ADSS1: variants seen among roughly 807,000 people sequenced by gnomAD.
ADSS1 encodes adenylosuccinate synthase 1.
Under a neutral mutation model 59.1 loss-of-function variants are expected in ADSS1, and 57 were observed. That is an observed-to-expected ratio of 0.97 (90% CI 0.78 to 1.20). The LOEUF (loss-of-function observed/expected upper bound fraction) is 1.20, where lower values mean the gene tolerates loss of function less well. Among genes scored for constraint, ADSS1 ranks in the 50% most tolerant of loss-of-function variants. The pLI is 0.00. For synonymous variants in ADSS1, 247 were observed against 249.4 expected (o/e 0.99, Z 0.09); for missense variants, 603 against 610.3 (o/e 0.99, Z 0.13).
chr14:104,731,266 A>T (rs1287911106), intron 1 of ADSS1, among the ~76,000 whole-genome samples: 3 of 152,154 alleles, frequency 2.0e-5, no homozygotes, highest in Non-Finnish European at 4.4e-5. Context: ...CCTGGCAAAC[A>T]GTGGAAAGGT....
In ADSS1 at chr14:104,734,176, C is replaced by T. The variant is rs1007901454; in HGVS notation, c.193-844C>T. ...ACGTAGGGGAGCCCTATCAGCCGTG[C>T]CTTGGGACTGGAGTGTCCCTGTATC... On this transcript the variant is annotated intron_variant, in intron 1 of 12. Transcript: ENST00000330877. Among the ~76,000 whole-genome samples the T allele has an allele frequency of 3.3e-5, 5 of 152,200 alleles. No homozygotes were observed. In the South Asian group the frequency reaches 6.2e-4, roughly 19 times the overall value.
intron 1 of ADSS1, among the ~76,000 whole-genome samples, chr14:104,725,419 G>A (rs1011789776): frequency 3.9e-5 from 6 of 152,278 alleles, no homozygotes; most frequent in East Asian, 1.9e-4. Flanking sequence ...CCCCCGCACC[G>A]TCCCTTCTCC....
At chr14:104,728,781 G>A (rs1467887536) in intron 1 of ADSS1, among the ~76,000 whole-genome samples, 3 of 152,208 alleles carry the variant, frequency 2.0e-5, no homozygotes, top group Admixed American at 2.0e-4. Flanking sequence ...TGACAGCCAG[G>A]CCCTGGGCCA....
rs1394996940 is a variant in ADSS1 at position 104,739,317 on chromosome 14, T to C, written c.359-11T>C. The C allele has an allele frequency of 6.2e-7, 1 of 1,606,618 alleles. No individual in the cohort carries two copies. Among genetic ancestry groups the C allele is most frequent in the African/African-American group, 1.3e-5 (1 of 74,928 alleles). ...TGAACACTGACCCACCTGTGTGCCGTGTCCCCGCAGGCCTGAAGGACTGGG... is the reference window on the plus strand; with the variant it reads ...TGAACACTGACCCACCTGTGTGCCGCGTCCCCGCAGGCCTGAAGGACTGGG... On this transcript the variant is annotated splice_polypyrimidine_tract_variant and intron_variant, in intron 3 of 12. Transcript: ENST00000330877.
rs758110360 is a variant in ADSS1, at chr14:104,746,368, A to T, written c.1304A>T (p.Asn435Ile). The change falls in exon 12 of 13, where the codon AAT becomes ATT. Residue 435 changes from asparagine (N) to isoleucine (I), a missense_variant. Asn to Ile is a moderately radical substitution (Grantham distance 149). Coordinates refer to ENST00000330877, the MANE Select transcript of ADSS1 (RefSeq NM_152328.5). ...QAQNYIRFVE[N>I]HVGVAVKWVG... Reference sequence around the variant, plus strand: ...CAGAACTACATCCGCTTTGTGGAGAATCACGTGGGAGTCGCAGGTGGGTGC... The same window carrying T: ...CAGAACTACATCCGCTTTGTGGAGATTCACGTGGGAGTCGCAGGTGGGTGC... The T allele has an allele frequency of 4.9e-5, 79 of 1,612,286 alleles. No individual in the cohort carries two copies. The highest frequency in any genetic ancestry group is 6.5e-5 in the Non-Finnish European group (77 of 1,179,012).
rs1325354952 is a variant in ADSS1 at position 104,724,616 on chromosome 14, G to T, written c.192+154G>T. On this transcript the variant is annotated intron_variant, in intron 1 of 12. Transcript: ENST00000330877. ...CCTTTCCCAGGGCCACCCCACCCACGCACGCACACGCACCACTCACACAAC... is the reference window on the plus strand; with the variant it reads ...CCTTTCCCAGGGCCACCCCACCCACTCACGCACACGCACCACTCACACAAC... Among the ~76,000 whole-genome samples, 4 of 150,100 alleles carry T rather than the reference G, an allele frequency of 2.7e-5. No individual in the cohort carries two copies. The East Asian group carries it at 7.9e-4, about 29-fold the overall frequency.
intron 2 of ADSS1, among the ~76,000 whole-genome samples, chr14:104,736,881 G>GATTTTATATATATAT (rs1254196679): frequency 1.9e-5 from 2 of 106,598 alleles, no homozygotes; most frequent in African/African-American, 3.6e-5. Context: ...GCACCTAGCT[G>GATTTTATATATATAT]ATATATATAT....
chr14:104,738,583 CG>C (rs1308543806), intron 3 of ADSS1, 145 bp downstream of exon 3: 1 of 879,424 alleles, frequency 1.1e-6, no homozygotes, highest in Non-Finnish European at 1.7e-6. Flanking sequence ...CATCACCCGC[CG>C]GCTCTACCCG....
At chr14:104,744,974 C>A (rs1191138191) in intron 11 of ADSS1, 65 bp downstream of exon 11, 7 of 1,445,024 alleles carry the variant, frequency 4.8e-6, no homozygotes, top group Non-Finnish European at 6.7e-6. Flanking sequence ...TAGATAGGAC[C>A]TGTGACTTCT....
At chr14:104,730,710 G>A (rs1240545504) in intron 1 of ADSS1, among the ~76,000 whole-genome samples, 1 of 152,132 alleles carries the variant, frequency 6.6e-6, no homozygotes, top group Non-Finnish European at 1.5e-5. Flanking sequence ...CAGCCTCCTG[G>A]AGGGGAGGGG....
At chr14:104,730,446 C>T (rs1890879976) in intron 1 of ADSS1, among the ~76,000 whole-genome samples, 1 of 152,094 alleles carries the variant, frequency 6.6e-6, no homozygotes, top group Non-Finnish European at 1.5e-5. Flanking sequence ...GCCAGGATCA[C>T]ACCATTGCAC....
Position 104,735,090 on chromosome 14 carries a change from GCAT to G in ADSS1, c.269_271del (p.Ile90del), listed in dbSNP as rs776595051. ...TACGACTTCCACCTGCTGCCCAGCG[GCAT>G]CATCAACACCAAGGCCGTGTCCTTC... On this transcript the variant is annotated inframe_deletion, in exon 2 of 13. Transcript: ENST00000330877. 53 of 1,612,882 alleles carry G rather than the reference GCAT, an allele frequency of 3.3e-5. No individual in the cohort carries two copies. The highest frequency in any genetic ancestry group is 4.3e-5 in the Non-Finnish European group (51 of 1,179,440).
rs186062802 is a variant in ADSS1 at position 104,740,424 on chromosome 14, C to T, written c.477-177C>T. ...CATCCACCCACAGGCACACACCATA[C>T]CAGTACATCCATGCTAGTGCGTACA... On this transcript the variant is annotated intron_variant, in intron 5 of 12. Coordinates refer to ENST00000330877, the MANE Select transcript of ADSS1 (RefSeq NM_152328.5). The surrounding 1 kb of genome is among the most constrained non-coding windows in gnomAD (Gnocchi z 4.8). Among the ~76,000 whole-genome samples the T allele has an allele frequency of 3.9e-5, 6 of 152,098 alleles. No individual in the cohort carries two copies. The highest frequency in any genetic ancestry group is 1.4e-4 in the African/African-American group (6 of 41,406).
chr14:104,744,987 G>C (rs985275065), intron 11 of ADSS1, 78 bp downstream of exon 11: 1 of 1,282,514 alleles, frequency 7.8e-7, no homozygotes, highest in Non-Finnish European at 1.1e-6. Flanking sequence ...TGACTTCTCA[G>C]AGAGGGGTGA....
chr14:104,730,579 G>C (rs1336857978), intron 1 of ADSS1, among the ~76,000 whole-genome samples: 2 of 152,204 alleles, frequency 1.3e-5, no homozygotes, highest in South Asian at 2.1e-4. Context: ...GATATGGAGA[G>C]AGGTGTAGAG....
chr14:104,746,833 G>GA (rs1201346347), intron 12 of ADSS1, 118 bp from the exon 13 acceptor site: 1 of 1,046,888 alleles, frequency 9.6e-7, no homozygotes, highest in Non-Finnish European at 1.5e-6. Flanking sequence ...CCTCCATTTG[G>GA]AGAGAAAATA....
chr14:104,739,755 G>C lies in ADSS1; in HGVS notation c.415G>C (p.Asp139His), dbSNP rs1027532445. ...IISDRAHLVF[D>H]FHQAVDGLQE... ...TCACCTGGCCCGCCCGACAGTGTTT[G>C]ATTTTCACCAGGCTGTCGACGGACT... Residue 139 changes from aspartate to histidine, a missense_variant, in exon 5 of 13, where the codon GAT (aspartate) becomes CAT (histidine). By Grantham distance (81) the Asp-to-His change is moderately conservative. Transcript: ENST00000330877. 6 of 1,613,924 alleles carry C rather than the reference G, an allele frequency of 3.7e-6. No homozygotes were observed. The highest frequency in any genetic ancestry group is 5.1e-6 in the Non-Finnish European group (6 of 1,180,004).
rs753050565 is a variant in ADSS1, at chr14:104,740,749, A to G, written c.584+41A>G. On this transcript the variant is annotated intron_variant, in intron 6 of 12. Transcript: ENST00000330877. The surrounding 1 kb of genome is among the most constrained non-coding windows in gnomAD (Gnocchi z 4.8). The stretch of plus-strand genomic sequence containing the variant: ...GCAGTCCCCGGGGAGGATGGGGAGA[A>G]GTTGCCGGAAGGGACTGTGGCTAGT... The G allele has an allele frequency of 6.2e-7, 1 of 1,613,016 alleles. No individual in the cohort carries two copies. The highest frequency in any genetic ancestry group is 2.2e-5 in the East Asian group (1 of 44,866).
chr14:104,741,187 C>G lies in ADSS1; in HGVS notation c.737C>G (p.Pro246Arg). 1 of 1,612,284 alleles carries G rather than the reference C, an allele frequency of 6.2e-7. No individual in the cohort carries two copies. The highest frequency in any genetic ancestry group is 8.5e-7 in the Non-Finnish European group (1 of 1,179,158). Reference sequence around the variant, plus strand: ...TTTATGTATGAGGCACTCCACGGCCCCCCCAAGAAGATCCTGGTGGAGGGT... The same window carrying G: ...TTTATGTATGAGGCACTCCACGGCCGCCCCAAGAAGATCCTGGTGGAGGGT... ...VYFMYEALHG[P>R]PKKILVEGAN... is the part of the protein sequence containing the mutation. The change falls in exon 8 of 13, where the codon CCC becomes CGC. Residue 246 changes from proline to arginine, a missense_variant. Coordinates refer to ENST00000330877, the MANE Select transcript of ADSS1 (RefSeq NM_152328.5).
Sources: allele counts gnomAD v4.1 joint callset (sites outside exome capture counted in the v4.1 genomes callset), GRCh38; gene constraint gnomAD v4.1.1; non-coding constraint Gnocchi (gnomAD v3.1); transcripts MANE v1.5; gene names NCBI Gene and HGNC (gene_info 2026-07-23, HGNC 2026-07-21).